GRID2: variants seen among roughly 807,000 people sequenced by gnomAD.
GRID2 encodes the protein glutamate ionotropic receptor delta type subunit 2.
A neutral mutation model predicts 114.8 loss-of-function variants in GRID2; 33 were observed. The observed-to-expected ratio is 0.29, with a 90% CI of 0.22 to 0.38. GRID2 has a LOEUF of 0.38. GRID2 is among the 10% of genes least tolerant of loss of function. The pLI is 1.00. For missense variants in GRID2, 1,184 were observed against 1,257.7 expected (o/e 0.94, Z 0.89); for synonymous variants, 505 against 449.9 (o/e 1.12, Z -1.55).
intron 13 of GRID2, among the ~76,000 whole-genome samples, chr4:93,528,454 G>A (rs1351959000): frequency 1.5e-5 from 2 of 133,000 alleles, no homozygotes; most frequent in Admixed American, 7.5e-5. Context: ...CATTTATTTT[G>A]TTTTTTTGAT....
intron 8 of GRID2, among the ~76,000 whole-genome samples, chr4:93,309,457 C>G (rs1181465889): frequency 6.6e-6 from 1 of 150,726 alleles, no homozygotes; most frequent in Non-Finnish European, 1.5e-5. Context: ...TTGCTTGAAC[C>G]CGAGAGGTAG....
At chr4:93,594,395 G>T (rs992823703) in intron 13 of GRID2, among the ~76,000 whole-genome samples, 48 of 152,310 alleles carry the variant, frequency 3.2e-4, no homozygotes, top group African/African-American at 1.2e-3. Flanking sequence ...CCCACTTGAG[G>T]AGGCAGTCCG....
intron 2 of GRID2, among the ~76,000 whole-genome samples, chr4:92,944,171 C>T (rs534243708): frequency 1.3e-5 from 2 of 152,330 alleles, no homozygotes; most frequent in South Asian, 4.1e-4. Flanking sequence ...CTATGCCCTG[C>T]CCCCAGATGT....
chr4:92,428,248 C>T (rs990874646), intron 1 of GRID2, among the ~76,000 whole-genome samples: 1 of 151,792 alleles, frequency 6.6e-6, no homozygotes, highest in Non-Finnish European at 1.5e-5. Context: ...GGCAACAGAA[C>T]GAGACTCCTC....
chr4:93,769,825 A>G (rs1733969751), intron 15 of GRID2, among the ~76,000 whole-genome samples: 1 of 152,148 alleles, frequency 6.6e-6, no homozygotes, highest in African/African-American at 2.4e-5. Context: ...CTTGTAAGTA[A>G]ATTCCTCGTA....
chr4:92,929,043 T>C (rs1578503108), intron 2 of GRID2, among the ~76,000 whole-genome samples: 2 of 151,518 alleles, frequency 1.3e-5, no homozygotes, highest in African/African-American at 4.8e-5. Context: ...TAATTTAGAA[T>C]ATTAAATTAA....
At chr4:93,707,043 C>G (rs371573886) in intron 14 of GRID2, among the ~76,000 whole-genome samples, 1 of 151,918 alleles carries the variant, frequency 6.6e-6, no homozygotes, top group African/African-American at 2.4e-5. Context: ...CTTGCATCGC[C>G]GGAATATATC....
intron 14 of GRID2, among the ~76,000 whole-genome samples, chr4:93,697,894 G>A (rs972030377): frequency 1.7e-4 from 11 of 63,810 alleles, no homozygotes; most frequent in Middle Eastern, 6.1e-3. Flanking sequence ...AAAACAATAC[G>A]TTGTACACGA....
intron 1 of GRID2, among the ~76,000 whole-genome samples, chr4:92,496,372 C>T (rs1723390746): frequency 6.6e-6 from 1 of 151,764 alleles, no homozygotes; most frequent in South Asian, 2.1e-4. Flanking sequence ...ACAAAACAGA[C>T]AGCCATACTT....
chr4:93,000,662 C>T (rs1336173163), intron 2 of GRID2, among the ~76,000 whole-genome samples: 1 of 151,262 alleles, frequency 6.6e-6, no homozygotes, highest in African/African-American at 2.4e-5. Flanking sequence ...AGCAATTTAC[C>T]TATAATATTT....
Position 92,336,788 on chromosome 4 carries a change from C to T in GRID2, c.88+32044C>T, listed in dbSNP as rs1727192011. Among the ~76,000 whole-genome samples, 5 of 151,966 alleles carry T rather than the reference C, an allele frequency of 3.3e-5. No individual in the cohort carries two copies. In the South Asian group the frequency reaches 8.3e-4, roughly 25 times the overall value. ...CTTATCTTTTGCTTTTTTAGTTTCTCAAAGGTGTCATGCTGCTTCTTCTTC... is the reference window on the plus strand; with the variant it reads ...CTTATCTTTTGCTTTTTTAGTTTCTTAAAGGTGTCATGCTGCTTCTTCTTC... On this transcript the variant is annotated intron_variant, in intron 1 of 15. Transcript: ENST00000282020.
intron 1 of GRID2, among the ~76,000 whole-genome samples, chr4:92,540,756 G>C (rs7655513): frequency 0.44 from 67,165 of 151,750 alleles, 15,019 homozygotes; most frequent in Middle Eastern, 0.56. Flanking sequence ...GGATCTAGAA[G>C]TAGAAATACC....
chr4:93,699,528 A>G (rs1727327022), intron 14 of GRID2, among the ~76,000 whole-genome samples: 1 of 152,092 alleles, frequency 6.6e-6, no homozygotes, highest in African/African-American at 2.4e-5. Context: ...TATTTTGCAA[A>G]TAAAGAATCT....
intron 2 of GRID2, among the ~76,000 whole-genome samples, chr4:92,964,208 A>T (rs1007377484): frequency 6.6e-6 from 1 of 152,024 alleles, no homozygotes; most frequent in African/African-American, 2.4e-5. Flanking sequence ...TTAGCCCCTA[A>T]CAAGAGAGTC....
At chr4:92,832,968 A>T (rs2149401088) in intron 2 of GRID2, among the ~76,000 whole-genome samples, 1 of 152,306 alleles carries the variant, frequency 6.6e-6, no homozygotes, top group East Asian at 1.9e-4. Flanking sequence ...AACTGACTTT[A>T]AAAGGTATAT....
At chr4:93,548,108 C>T (rs150224330) in intron 13 of GRID2, among the ~76,000 whole-genome samples, 1,723 of 151,848 alleles carry the variant, frequency 0.011, 39 homozygotes, top group African/African-American at 0.039. Flanking sequence ...ACCCGGGAGA[C>T]GGAGGTTGCG....
At chr4:93,676,051 G>A (rs1724827215) in intron 14 of GRID2, among the ~76,000 whole-genome samples, 1 of 152,180 alleles carries the variant, frequency 6.6e-6, no homozygotes, top group Non-Finnish European at 1.5e-5. Context: ...CACCCGGGAA[G>A]AGTTGTCATA....
intron 13 of GRID2, among the ~76,000 whole-genome samples, chr4:93,548,496 C>A (rs1435535616): frequency 7.2e-5 from 11 of 152,096 alleles, no homozygotes; most frequent in Admixed American, 7.2e-4. Context: ...TCAGATATAG[C>A]AGTTCCTTTG....
At chr4:92,784,668 G>A (rs546191517) in intron 2 of GRID2, among the ~76,000 whole-genome samples, 236 of 152,018 alleles carry the variant, frequency 1.6e-3, no homozygotes, top group African/African-American at 5.5e-3. Context: ...AGTGTTTGCT[G>A]ACAGTCTTAT....
Sources: gnomAD v4.1 joint callset for allele counts (sites outside exome capture counted in the v4.1 genomes callset) on GRCh38, gnomAD v4.1.1 for gene constraint, MANE v1.5 for transcripts, NCBI Gene and HGNC (gene_info 2026-07-23, HGNC 2026-07-21) for gene names.